The following GALNT7 variants were observed in gnomAD, a reference collection of about 807,000 sequenced individuals.
GALNT7 encodes N-acetylgalactosaminyltransferase 7.
In GALNT7, 60 loss-of-function variants were observed where a neutral mutation model predicts 82.1. The observed-to-expected ratio is 0.73, with a 90% CI of 0.59 to 0.91. The LOEUF is 0.91. GALNT7 is among the 40% of genes least tolerant of loss of function. The probability of loss-of-function intolerance (pLI) is 0.00; values close to 1 mark genes in which losing one functional copy is unlikely to be tolerated. For missense variants in GALNT7, 660 were observed against 804.2 expected (o/e 0.82, Z 2.17); for synonymous variants, 243 against 275.1 (o/e 0.88, Z 1.15).
chr4:173,262,726 A>C (rs1267842654), intron 2 of GALNT7, among the ~76,000 whole-genome samples: 2 of 152,156 alleles, frequency 1.3e-5, no homozygotes, highest in African/African-American at 2.4e-5. Flanking sequence ...CTTATTCAGC[A>C]TACAGATCAG....
chr4:173,241,147 G>T (rs1734416702), intron 1 of GALNT7, among the ~76,000 whole-genome samples: 1 of 150,078 alleles, frequency 6.7e-6, no homozygotes, highest in African/African-American at 2.5e-5. Context: ...GAGGTAGCAA[G>T]ATTGCTTGAT....
chr4:173,215,975 TC>T (rs1269264507), intron 1 of GALNT7, among the ~76,000 whole-genome samples: 1 of 151,952 alleles, frequency 6.6e-6, no homozygotes, highest in Non-Finnish European at 1.5e-5. Flanking sequence ...AATAAAGAAA[TC>T]AGCCGGGCAT....
chr4:173,313,915 G>A, intron 8 of GALNT7, 43 bp from the exon 9 acceptor site: 1 of 917,926 alleles, frequency 1.1e-6, no homozygotes, highest in South Asian at 2.0e-5. Flanking sequence ...TATGACATTT[G>A]TATTTTTATA....
At chr4:173,177,892 A>G (rs1362282472) in intron 1 of GALNT7, among the ~76,000 whole-genome samples, 2 of 152,138 alleles carry the variant, frequency 1.3e-5, no homozygotes, top group African/African-American at 4.8e-5. Context: ...AAATACAAAT[A>G]GAGAAAAAGT....
intron 1 of GALNT7, among the ~76,000 whole-genome samples, chr4:173,194,246 A>T (rs1382325201): frequency 6.6e-6 from 1 of 152,258 alleles, no homozygotes; most frequent in East Asian, 1.9e-4. Flanking sequence ...TTAATATAAC[A>T]TGTTAACATA....
At chr4:173,186,899 G>C (rs967999545) in intron 1 of GALNT7, among the ~76,000 whole-genome samples, 3 of 151,876 alleles carry the variant, frequency 2.0e-5, no homozygotes, top group Admixed American at 1.3e-4. Flanking sequence ...CGAGTAGCTG[G>C]CATTACAGGT....
chr4:173,176,161 G>A (rs1311814644), intron 1 of GALNT7, among the ~76,000 whole-genome samples: 9 of 152,316 alleles, frequency 5.9e-5, no homozygotes, highest in African/African-American at 2.2e-4. Context: ...CCAGAGCAGA[G>A]TCTTCAGGAG....
At chr4:173,216,651 C>T (rs1733472443) in intron 1 of GALNT7, among the ~76,000 whole-genome samples, 1 of 143,088 alleles carries the variant, frequency 7.0e-6, no homozygotes, top group Admixed American at 7.1e-5. Context: ...GGTTCCTGGG[C>T]TGGGCTGGGG....
chr4:173,221,947 T>C (rs921240501), intron 1 of GALNT7, among the ~76,000 whole-genome samples: 12 of 152,172 alleles, frequency 7.9e-5, no homozygotes, highest in African/African-American at 2.9e-4. Flanking sequence ...TCAGAAACCT[T>C]AGTAACAAAG....
chr4:173,194,782 CT>C (rs1469412992), intron 1 of GALNT7, among the ~76,000 whole-genome samples: 1 of 152,074 alleles, frequency 6.6e-6, no homozygotes, highest in Non-Finnish European at 1.5e-5. Context: ...AATGCTTTCC[CT>C]CCCCGCTTCC....
In GALNT7 at chr4:173,215,482, G is replaced by A. The variant is rs147291834; in HGVS notation, c.127-32498G>A. On this transcript the variant is annotated intron_variant, in intron 1 of 11. Coordinates refer to ENST00000265000, the MANE Select transcript of GALNT7 (RefSeq NM_017423.3). Reference sequence around the variant, plus strand: ...CTGACCTCAGGTGATCCGCTGCCTCGGCCTTTCGAAGTGCTGGGATTGCAG... The same window carrying A: ...CTGACCTCAGGTGATCCGCTGCCTCAGCCTTTCGAAGTGCTGGGATTGCAG... Among the ~76,000 whole-genome samples, 606 of 152,000 alleles carry A rather than the reference G, an allele frequency of 4.0e-3. 2 individuals carry two copies. Among genetic ancestry groups the A allele is most frequent in the African/African-American group, 0.014 (584 of 41,462 alleles).
At chr4:173,170,132 T>TC (rs1037588489) in intron 1 of GALNT7, among the ~76,000 whole-genome samples, 2 of 151,780 alleles carry the variant, frequency 1.3e-5, no homozygotes, top group Non-Finnish European at 2.9e-5. Flanking sequence ...CTGACCTGCT[T>TC]CCCCCCGGAT....
At chr4:173,280,002 A>T (rs1736054282) in intron 2 of GALNT7, among the ~76,000 whole-genome samples, 1 of 151,972 alleles carries the variant, frequency 6.6e-6, no homozygotes, top group Admixed American at 6.6e-5. Flanking sequence ...AAGGATAGTT[A>T]AAAAAAATCA....
intron 2 of GALNT7, among the ~76,000 whole-genome samples, chr4:173,284,168 G>A (rs1214055170): frequency 6.6e-6 from 1 of 152,166 alleles, no homozygotes; most frequent in East Asian, 1.9e-4. Flanking sequence ...CTTTTCATGA[G>A]TCCTTTACAT....
At position 173,180,365 on chromosome 4, in the gene GALNT7, T is replaced by A. The variant is rs1732206376; in HGVS notation, c.126+11404T>A. ...TTTTTGAGATGGAGTTACACTGTTG[T>A]CATGCAGGCCGGAGTGCAATGGCAC... On this transcript the variant is annotated intron_variant, in intron 1 of 11. Transcript: ENST00000265000. Among the ~76,000 whole-genome samples the A allele has an allele frequency of 2.0e-5, 3 of 149,618 alleles. No homozygotes were observed. The South Asian group carries it at 6.4e-4, about 32-fold the overall frequency.
chr4:173,268,967 G>A (rs1273428845), intron 2 of GALNT7, among the ~76,000 whole-genome samples: 1 of 152,094 alleles, frequency 6.6e-6, no homozygotes, highest in East Asian at 1.9e-4. Flanking sequence ...CTGAATTTTT[G>A]TATATTTAGT....
At chr4:173,276,683 G>A (rs189534970) in intron 2 of GALNT7, among the ~76,000 whole-genome samples, 1 of 152,158 alleles carries the variant, frequency 6.6e-6, no homozygotes, top group Non-Finnish European at 1.5e-5. Context: ...CCCTATTGTG[G>A]AGGAGGAAGC....
rs1480214505 is a variant in GALNT7, at chr4:173,287,062, C to T, written c.588-5046C>T. 2.0e-5 allele frequency among the ~76,000 whole-genome samples: 3 copies of T among 152,178 alleles called. No homozygotes were observed. In the East Asian group the frequency reaches 5.8e-4, roughly 29 times the overall value. On this transcript the variant is annotated intron_variant, in intron 2 of 11. Transcript: ENST00000265000. ...GGGTGAGAAAAATTAGATCTTTGGACAGGGCCTGTTTCAGCAACTTTCTTC... is the reference window on the plus strand; with the variant it reads ...GGGTGAGAAAAATTAGATCTTTGGATAGGGCCTGTTTCAGCAACTTTCTTC...
intron 1 of GALNT7, among the ~76,000 whole-genome samples, chr4:173,206,063 G>T (rs1561153678): frequency 6.6e-6 from 1 of 152,202 alleles, no homozygotes; most frequent in Non-Finnish European, 1.5e-5. Context: ...CCTGGCACTG[G>T]GTGGGCCTGG....
Sources: allele counts gnomAD v4.1 joint callset (sites outside exome capture counted in the v4.1 genomes callset), GRCh38; gene constraint gnomAD v4.1.1; transcripts MANE v1.5; gene names NCBI Gene and HGNC (gene_info 2026-07-23, HGNC 2026-07-21).